Variants in TIMP4 observed in about 807,000 individuals in gnomAD.
TIMP4 encodes metalloproteinase inhibitor 4.
TIMP4 carries 28 observed loss-of-function variants against 27.3 expected under a neutral mutation model. The ratio of observed to expected loss-of-function variants is 1.03; its 90% CI spans 0.76 to 1.41. The LOEUF is 1.41. Ranked by LOEUF, TIMP4 falls within the 40% of genes most tolerant of loss-of-function variation. The probability of loss-of-function intolerance (pLI) is 0.00; values close to 1 mark genes in which losing one functional copy is unlikely to be tolerated. For synonymous variants in TIMP4, 138 were observed against 115.5 expected (o/e 1.20, Z -1.25); for missense variants, 307 against 285.5 (o/e 1.08, Z -0.54).
intron 3 of TIMP4, among the ~76,000 whole-genome samples, chr3:12,154,742 C>A (rs1045486945): frequency 6.6e-6 from 1 of 152,114 alleles, no homozygotes; most frequent in African/African-American, 2.4e-5. Flanking sequence ...TGTGTGGGAT[C>A]CCCCTTTCTT....
Position 12,156,789 on chromosome 3 carries a change from A to G in TIMP4, c.352+31T>C, listed in dbSNP as rs370191065. ...CCTCCCCTAGGGCAGAATCTATTAT[A>G]TTAAGGCCAGTTGTTGGTCTTTTAA... On this transcript the variant is annotated intron_variant, in intron 3 of 4. Transcript: ENST00000287814. The G allele has an allele frequency of 6.8e-5, 106 of 1,567,452 alleles. 1 individual carries two copies. The African/African-American group carries it at 1.2e-3, about 18-fold the overall frequency.
intron 3 of TIMP4, among the ~76,000 whole-genome samples, chr3:12,155,755 A>T (rs28897668): frequency 0.041 from 6,291 of 152,306 alleles, 169 homozygotes; most frequent in Non-Finnish European, 0.063. Flanking sequence ...AAGGCAGGGA[A>T]CATGTTTCCT....
Position 12,153,646 on chromosome 3 carries a change from G to A in TIMP4, c.544C>T (p.Leu182=), listed in dbSNP as rs1185124546. The part of the protein sequence containing the change: ...APNECLWTDW[L]LERKLYGYQA... Reference sequence around the variant, plus strand: ...TAACCATAGAGCTTTCGTTCCAACAGCCAGTCTGTCCAGAGGCACTCGTTA... The same window carrying A: ...TAACCATAGAGCTTTCGTTCCAACAACCAGTCTGTCCAGAGGCACTCGTTA... The change falls in exon 5 of 5, where the codon CTG becomes TTG. Residue 182 remains leucine (L), a synonymous_variant. Transcript: ENST00000287814. The A allele has an allele frequency of 6.2e-7, 1 of 1,614,190 alleles. No homozygotes were observed. Among genetic ancestry groups the A allele is most frequent in the Non-Finnish European group, 8.5e-7 (1 of 1,180,028 alleles).
At chr3:12,158,549 G>T (rs1217989972) in intron 1 of TIMP4, 153 bp downstream of exon 1, 7 of 1,140,246 alleles carry the variant, frequency 6.1e-6, no homozygotes, top group Admixed American at 2.4e-5. Context: ...TTGCTATGGC[G>T]CCTGGTCCTT....
At chr3:12,153,749 G>A (rs1234039802) in intron 4 of TIMP4, 37 bp from the exon 5 acceptor site, 2 of 1,607,448 alleles carry the variant, frequency 1.2e-6, no homozygotes, top group Admixed American at 1.7e-5. Context: ...AGTGAGTAGG[G>A]TGTCCTTCTT....
Position 12,153,673 on chromosome 3 carries a change from G to C in TIMP4, c.517C>G (p.Pro173Ala). 1 of 1,614,188 alleles carries C rather than the reference G, an allele frequency of 6.2e-7. No individual in the cohort carries two copies. The highest frequency in any genetic ancestry group is 8.5e-7 in the Non-Finnish European group (1 of 1,180,044). The change falls in exon 5 of 5, where the codon CCT (proline) becomes GCT (alanine). Residue 173 changes from proline to alanine, a missense_variant. Physicochemically the swap from Pro to Ala is conservative, Grantham distance 27. Coordinates refer to ENST00000287814, the MANE Select transcript of TIMP4 (RefSeq NM_003256.4). ...CAGTCTGTCCAGAGGCACTCGTTAG[G>C]GGCCGAGATGGTACAGGGTACTGTG... Reference protein sequence around the residue: ...CYTVPCTISAPNECLWTDWLL... With the variant: ...CYTVPCTISAANECLWTDWLL...
In TIMP4 at chr3:12,156,375, A is replaced by G. The variant is rs570124862; in HGVS notation, c.352+445T>C. 2.6e-5 allele frequency among the ~76,000 whole-genome samples: 4 copies of G among 152,302 alleles called. No individual in the cohort carries two copies. The South Asian group carries it at 8.3e-4, about 32-fold the overall frequency. On this transcript the variant is annotated intron_variant, in intron 3 of 4. Transcript: ENST00000287814. Reference sequence around the variant, plus strand: ...ACTGTTCTATCCCAGCCAATTCAGTATGGAGGAATCCTGCCTGGGCCCAAG... The same window carrying G: ...ACTGTTCTATCCCAGCCAATTCAGTGTGGAGGAATCCTGCCTGGGCCCAAG...
At position 12,153,362 on chromosome 3, in the gene TIMP4, C is replaced by A. The variant is rs1398140409; in HGVS notation, c.*153G>T. On this transcript the variant is annotated 3_prime_UTR_variant, in exon 5 of 5. Transcript: ENST00000287814. ...GGGCAGGGCAGAAAAGTCATGGCCC[C>A]TTCCCTGCCTTGACAGTGGCCAGAC... 4 of 885,462 alleles carry A rather than the reference C, an allele frequency of 4.5e-6. No homozygotes were observed. The highest frequency in any genetic ancestry group is 7.2e-6 in the Non-Finnish European group (4 of 555,456). The allele number at this position is 885,462 out of a possible 1,614,324, so 54.9% of individuals were successfully genotyped here. A position where few individuals can be genotyped will look rare whatever the true frequency, so the allele number is the denominator to read the frequency against.
intron 2 of TIMP4, 104 bp downstream of exon 2, chr3:12,157,281 A>G (rs1697485919): frequency 3.8e-6 from 4 of 1,042,198 alleles, no homozygotes; most frequent in Non-Finnish European, 5.8e-6. Flanking sequence ...AGACCCAAGG[A>G]TTACTGAGCC....
intron 3 of TIMP4, among the ~76,000 whole-genome samples, chr3:12,155,635 C>T (rs1697432693): frequency 2.0e-5 from 3 of 152,196 alleles, no homozygotes; most frequent in Admixed American, 1.3e-4. Context: ...CTTTCAACAC[C>T]AGGCAAAGGA....
rs751326764 is a variant in TIMP4 at position 12,154,326 on chromosome 3, C to T, written c.477+1G>A. The T allele has an allele frequency of 2.5e-6, 4 of 1,614,098 alleles. No homozygotes were observed. The highest frequency in any genetic ancestry group is 1.6e-4 in the Middle Eastern group (1 of 6,084). On this transcript the variant is annotated splice_donor_variant, in intron 4 of 4. Coordinates refer to ENST00000287814, the MANE Select transcript of TIMP4 (RefSeq NM_003256.4). LOFTEE classifies it high-confidence loss of function. ...GACTTTGGAAATGGACATTCCCTTA[C>T]TTGGCAGCCACAGTTCAGATGGTAG... is the stretch of plus-strand genomic sequence containing the variant.
chr3:12,153,838 A>G, intron 4 of TIMP4, 126 bp from the exon 5 acceptor site: 1 of 1,014,176 alleles, frequency 9.9e-7, no homozygotes, highest in Admixed American at 2.2e-5. Context: ...AGCCTTTCCC[A>G]GTCCCCAGTC....
chr3:12,157,439 A>G lies in TIMP4; in HGVS notation c.183T>C (p.Ser61=). ...KISSEKVVPA[S]ADPADTEKML... ...TTTTTTCAGTGTCAGCAGGGTCTGC[A>G]CTGGCCGGAACTACCTTCTCACTGG... The change falls in exon 2 of 5, where the codon AGT becomes AGC. Residue 61 remains serine, a synonymous_variant. Coordinates refer to ENST00000287814, the MANE Select transcript of TIMP4 (RefSeq NM_003256.4). 1.2e-6 allele frequency: 2 copies of G among 1,614,182 alleles called. No homozygotes were observed. The highest frequency in any genetic ancestry group is 1.7e-6 in the Non-Finnish European group (2 of 1,180,026).
Position 12,154,469 on chromosome 3 carries a change from GGA to G in TIMP4, c.353-20_353-19del, listed in dbSNP as rs746180219. The G allele has an allele frequency of 6.2e-7, 1 of 1,613,564 alleles. No homozygotes were observed. The highest frequency in any genetic ancestry group is 1.3e-5 in the African/African-American group (1 of 74,926). Reference sequence around the variant, plus strand: ...GACCTGACCTTCAAGGGGAGATGGAGGAGAGTCAAGCATCAGGATTCTTCTCC... The same window carrying G: ...GACCTGACCTTCAAGGGGAGATGGAGGAGTCAAGCATCAGGATTCTTCTCC... On this transcript the variant is annotated intron_variant, in intron 3 of 4. Transcript: ENST00000287814.
In TIMP4 at chr3:12,153,448, C is replaced by G; in HGVS notation, c.*67G>C. The G allele has an allele frequency of 6.3e-7, 1 of 1,582,606 alleles. No homozygotes were observed. Among genetic ancestry groups the G allele is most frequent in the Non-Finnish European group, 8.7e-7 (1 of 1,153,764 alleles). On this transcript the variant is annotated 3_prime_UTR_variant, in exon 5 of 5. Transcript: ENST00000287814. ...AGGTCAGGTGGTAATGGCCAAAGCT[C>G]TGCAGGGAAGGAGAACTGGCTTGAT...
chr3:12,153,989 C>T (rs560254685), intron 4 of TIMP4, among the ~76,000 whole-genome samples: 1 of 152,280 alleles, frequency 6.6e-6, no homozygotes, highest in South Asian at 2.1e-4. Context: ...CATTTCTTCA[C>T]CTTAAAATGG....
chr3:12,154,281 A>G, intron 4 of TIMP4, 46 bp downstream of exon 4: 1 of 1,613,356 alleles, frequency 6.2e-7, no homozygotes. Flanking sequence ...AAGGCTCAGA[A>G]CCCTTCCCCC....
At position 12,153,636 on chromosome 3, in the gene TIMP4, C is replaced by T. The variant is rs749595899; in HGVS notation, c.554G>A (p.Arg185Gln). ...ECLWTDWLLERKLYGYQAQHY... is the reference protein window; with the variant it reads ...ECLWTDWLLEQKLYGYQAQHY... ...CTGAGCCTGGTAACCATAGAGCTTT[C>T]GTTCCAACAGCCAGTCTGTCCAGAG... is the stretch of plus-strand genomic sequence containing the variant. Residue 185 changes from arginine (R) to glutamine (Q), a missense_variant, in exon 5 of 5, where the codon CGA (arginine) becomes CAA (glutamine). Physicochemically the swap from Arg to Gln is conservative, Grantham distance 43 (BLOSUM62 1). Coordinates refer to ENST00000287814, the MANE Select transcript of TIMP4 (RefSeq NM_003256.4). 12 of 1,614,170 alleles carry T rather than the reference C, an allele frequency of 7.4e-6. No homozygotes were observed. The highest frequency in any genetic ancestry group is 5.5e-5 in the South Asian group (5 of 91,078).
chr3:12,156,735 C>A, intron 3 of TIMP4, 85 bp downstream of exon 3: 1 of 1,104,870 alleles, frequency 9.1e-7, no homozygotes. Context: ...GCCTACTGCC[C>A]AAGGAAGACC....
Sources: gnomAD v4.1 joint callset for allele counts (sites outside exome capture counted in the v4.1 genomes callset) on GRCh38, gnomAD v4.1.1 for gene constraint, MANE v1.5 for transcripts, NCBI Gene and HGNC (gene_info 2026-07-23, HGNC 2026-07-21) for gene names.